MYOC: variants seen among roughly 807,000 people sequenced by gnomAD.
The protein encoded by MYOC is juvenile-onset open-angle glaucoma 1.
In MYOC, 29 loss-of-function variants were observed where a neutral mutation model predicts 28.2. The observed-to-expected ratio is 1.03, with a 90% CI of 0.77 to 1.40. MYOC has a LOEUF of 1.40. Among genes scored for constraint, MYOC ranks in the 40% most tolerant of loss-of-function variants. The pLI is 0.00. For synonymous variants in MYOC, 240 were observed against 245.6 expected (o/e 0.98, Z 0.21); for missense variants, 569 against 620.6 (o/e 0.92, Z 0.88).
At chr1:171,645,872 C>T (rs1009884317) in intron 1 of MYOC, among the ~76,000 whole-genome samples, 8 of 152,252 alleles carry the variant, frequency 5.3e-5, no homozygotes, top group African/African-American at 9.6e-5. Context: ...ATGGCCCTTA[C>T]GGCTCTGAGC....
chr1:171,645,484 C>T (rs1241127427), intron 1 of MYOC, among the ~76,000 whole-genome samples: 1 of 152,206 alleles, frequency 6.6e-6, no homozygotes, highest in African/African-American at 2.4e-5. Context: ...TGAACCTCAC[C>T]TTCCCCTTCC....
In MYOC at chr1:171,636,258, G is replaced by A. The variant is rs763577837; in HGVS notation, c.1182C>T (p.Thr394=). The part of the protein sequence containing the change: ...DEAGLWVIYS[T]DEAKGAIVLS... Reference sequence around the variant, plus strand: ...GGACAATGGCACCTTTGGCCTCATCGGTGCTGTAAATGACCCAGAGGCCTG... The same window carrying A: ...GGACAATGGCACCTTTGGCCTCATCAGTGCTGTAAATGACCCAGAGGCCTG... The change falls in exon 3 of 3, where the codon ACC becomes ACT. Residue 394 remains threonine (T), a synonymous_variant. Coordinates refer to ENST00000037502, the MANE Select transcript of MYOC (RefSeq NM_000261.2). The A allele has an allele frequency of 3.2e-5, 52 of 1,613,966 alleles. No homozygotes were observed. The highest frequency in any genetic ancestry group is 3.1e-4 in the South Asian group (28 of 91,066).
chr1:171,646,456 T>C (rs1653207237), intron 1 of MYOC, among the ~76,000 whole-genome samples: 1 of 151,856 alleles, frequency 6.6e-6, no homozygotes, highest in African/African-American at 2.4e-5. Flanking sequence ...CTGTGTCAGA[T>C]AGTTAGCATT....
In MYOC at chr1:171,638,698, A is replaced by G; in HGVS notation, c.629T>C (p.Leu210Ser). 6.2e-7 allele frequency: 1 copy of G among 1,614,200 alleles called. No homozygotes were observed. ...CTCGGACTTCAGTTCCTGGAAGGCC[A>G]AAGTGTCCAAATTCCACGTAGAAAC... ...REVSTWNLDT[L>S]AFQELKSELT... The change falls in exon 2 of 3, where the codon TTG (leucine) becomes TCG (serine). Residue 210 changes from leucine (L) to serine (S), a missense_variant. Transcript: ENST00000037502.
rs202176570 is a variant in MYOC at position 171,636,626 on chromosome 1, G to C, written c.814C>G (p.Arg272Gly). 6.2e-7 allele frequency: 1 copy of C among 1,611,864 alleles called. No individual in the cohort carries two copies. The highest frequency in any genetic ancestry group is 8.5e-7 in the Non-Finnish European group (1 of 1,179,726). The change falls in exon 3 of 3, where the codon CGA becomes GGA. Residue 272 changes from arginine (R) to glycine (G), a missense_variant. By Grantham distance (125) the Arg-to-Gly change is moderately radical (BLOSUM62 -2). Coordinates refer to ENST00000037502, the MANE Select transcript of MYOC (RefSeq NM_000261.2). ...TAGGGGTAGGTGGGCTTGGGGTCTC[G>C]CATCCACACACCATACTTGCCAGTA... is the stretch of plus-strand genomic sequence containing the variant. Reference protein sequence around the residue: ...TITGKYGVWMRDPKPTYPYTQ... With the variant: ...TITGKYGVWMGDPKPTYPYTQ...
intron 1 of MYOC, among the ~76,000 whole-genome samples, chr1:171,647,894 A>C (rs1653240677): frequency 6.6e-6 from 1 of 151,910 alleles, no homozygotes; most frequent in Non-Finnish European, 1.5e-5. Flanking sequence ...AGTCTACAAG[A>C]ACAGGCCAGG....
At chr1:171,641,601 G>A (rs755384880) in intron 1 of MYOC, among the ~76,000 whole-genome samples, 33 of 152,154 alleles carry the variant, frequency 2.2e-4, no homozygotes, top group Non-Finnish European at 4.4e-4. Flanking sequence ...TTTGCTAACC[G>A]TAGGAACTGG....
intron 2 of MYOC, 115 bp from the exon 3 acceptor site, chr1:171,636,824 A>G (rs946094075): frequency 2.5e-6 from 3 of 1,180,236 alleles, no homozygotes; most frequent in Non-Finnish European, 3.7e-6. Context: ...CCTGGAGACA[A>G]ATCGTCTGGG....
rs748807517 is a variant in MYOC, at chr1:171,638,612, C to T, written c.715G>A (p.Gly239Arg). ...KESPSGYLRS[G>R]EGDTGCGELV... ...AACTTCATACCGGTGTCTCCCTCTC[C>T]ACTCCTGAGATAGCCAGATGGGCTC... Residue 239 changes from glycine (G) to arginine (R), a missense_variant, in exon 2 of 3, where the codon GGA becomes AGA. Transcript: ENST00000037502. The T allele has an allele frequency of 1.3e-5, 21 of 1,614,052 alleles. 1 individual carries two copies. The South Asian group carries it at 1.9e-4, about 14-fold the overall frequency.
rs183571766 is a variant in MYOC at position 171,637,807 on chromosome 1, T to A, written c.730+790A>T. ...TTTGTATTTTTAGTAGAGACAGTGT[T>A]TCACCATGTTGGCCAGGCTGGTCTT... On this transcript the variant is annotated intron_variant, in intron 2 of 2. Coordinates refer to ENST00000037502, the MANE Select transcript of MYOC (RefSeq NM_000261.2). Among the ~76,000 whole-genome samples, 23 of 152,112 alleles carry A rather than the reference T, an allele frequency of 1.5e-4. No homozygotes were observed. The East Asian group carries it at 1.9e-3, about 13-fold the overall frequency.
At position 171,652,236 on chromosome 1, in the gene MYOC, G is replaced by A. The variant is rs200120115; in HGVS notation, c.376C>T (p.Arg126Trp). 169 of 1,614,150 alleles carry A rather than the reference G, an allele frequency of 1.0e-4. No individual in the cohort carries two copies. Among genetic ancestry groups the A allele is most frequent in the Admixed American group, 6.2e-4 (37 of 60,012 alleles). The change falls in exon 1 of 3, where the codon CGG becomes TGG. Residue 126 changes from arginine to tryptophan, a missense_variant. By Grantham distance (101) the Arg-to-Trp change is moderately radical. Coordinates refer to ENST00000037502, the MANE Select transcript of MYOC (RefSeq NM_000261.2). ...GLQRELGTLRRERDQLETQTR... is the reference protein window; with the variant it reads ...GLQRELGTLRWERDQLETQTR... The stretch of plus-strand genomic sequence containing the variant: ...TGGGTTTCCAGCTGGTCCCGCTCCC[G>A]CCTCAGGGTGCCCAGCTCCCTCTGC...
At chr1:171,639,827 T>A (rs965574235) in intron 1 of MYOC, among the ~76,000 whole-genome samples, 2 of 151,010 alleles carry the variant, frequency 1.3e-5, no homozygotes, top group Non-Finnish European at 2.9e-5. Context: ...GGCACATGCC[T>A]GTAGTTCCAG....
intron 1 of MYOC, among the ~76,000 whole-genome samples, chr1:171,649,984 T>C (rs1051327622): frequency 6.6e-6 from 1 of 152,152 alleles, no homozygotes; most frequent in African/African-American, 2.4e-5. Context: ...CTTGTACTAA[T>C]GTAATTTCCT....
rs2234926 is a variant in MYOC at position 171,652,385 on chromosome 1, C to T, written c.227G>A (p.Arg76Lys). The part of the protein sequence containing the change: ...QAMSVIHNLQ[R>K]DSSTQRLDLE... ...GTCTAAGCGTTGGGTGCTGCTGTCT[C>T]TCTGTAAGTTATGGATGACTGACAT... Residue 76 changes from arginine (R) to lysine (K), a missense_variant, in exon 1 of 3, where the codon AGA becomes AAA. Transcript: ENST00000037502. 223,139 of 1,613,274 alleles carry T rather than the reference C, an allele frequency of 0.14. 18,563 individuals carry two copies. The highest frequency in any genetic ancestry group is 0.34 in the South Asian group (31,088 of 91,050).
intron 1 of MYOC, among the ~76,000 whole-genome samples, chr1:171,644,576 G>A (rs1171892331): frequency 1.3e-5 from 1 of 75,164 alleles, no homozygotes; most frequent in Non-Finnish European, 2.5e-5. Context: ...CTAAAAAACA[G>A]CTTTTTTTTT....
At chr1:171,647,580 C>A (rs759697675) in intron 1 of MYOC, among the ~76,000 whole-genome samples, 2 of 152,042 alleles carry the variant, frequency 1.3e-5, no homozygotes, top group Non-Finnish European at 2.9e-5. Context: ...TAAAATAAGC[C>A]TTTCTAGTTA....
intron 2 of MYOC, 32 bp downstream of exon 2, chr1:171,638,565 G>A: frequency 6.2e-7 from 1 of 1,612,632 alleles, no homozygotes; most frequent in Non-Finnish European, 8.5e-7. Flanking sequence ...AAGACCACGT[G>A]GGCACAAAAG....
At chr1:171,637,997 T>G (rs1652969975) in intron 2 of MYOC, among the ~76,000 whole-genome samples, 2 of 152,178 alleles carry the variant, frequency 1.3e-5, no homozygotes, top group Non-Finnish European at 2.9e-5. Context: ...AGAACCGTGT[T>G]TTAAATATTT....
rs113416006 is a variant in MYOC, at chr1:171,651,958, C to T, written c.604+50G>A. 6,564 of 1,613,442 alleles carry T rather than the reference C, an allele frequency of 4.1e-3. 232 individuals carry two copies. The African/African-American group carries it at 0.073, about 18-fold the overall frequency. On this transcript the variant is annotated intron_variant, in intron 1 of 2. Coordinates refer to ENST00000037502, the MANE Select transcript of MYOC (RefSeq NM_000261.2). Reference sequence around the variant, plus strand: ...CTGGAGCGCCTGTAGCAGGTCACTACGAGCCATATCACCTGCTGAACTCAG... The same window carrying T: ...CTGGAGCGCCTGTAGCAGGTCACTATGAGCCATATCACCTGCTGAACTCAG...
Sources: allele counts gnomAD v4.1 joint callset (sites outside exome capture counted in the v4.1 genomes callset), GRCh38; gene constraint gnomAD v4.1.1; transcripts MANE v1.5; gene names NCBI Gene and HGNC (gene_info 2026-07-23, HGNC 2026-07-21).